Variants in MRM1 observed in about 807,000 individuals in gnomAD.
MRM1 encodes rRNA methyltransferase 1, mitochondrial.
A neutral mutation model predicts 25.0 loss-of-function variants in MRM1; 24 were observed. That is an observed-to-expected ratio of 0.96 (90% CI 0.69 to 1.35). The LOEUF is 1.35. Among genes scored for constraint, MRM1 ranks in the 40% most tolerant of loss-of-function variants. The pLI is 0.00. For synonymous variants in MRM1, 188 were observed against 199.2 expected, an observed-to-expected ratio of 0.94 and a Z score of 0.47; for missense variants, 431 against 464.1, an observed-to-expected ratio of 0.93 and a Z score of 0.65.
chr17:36,612,288 C>T (rs1410123433), downstream of MRM1, among the ~76,000 whole-genome samples: 2 of 152,166 alleles, frequency 1.3e-5, no homozygotes, highest in Non-Finnish European at 2.9e-5. Flanking sequence ...GCTGGCTGGC[C>T]TCTGGGAAGA....
intron 2 of MRM1, among the ~76,000 whole-genome samples, chr17:36,606,940 G>A (rs1244294288): frequency 7.1e-6 from 1 of 139,866 alleles, no homozygotes; most frequent in East Asian, 2.2e-4. Context: ...TTGAGATGGA[G>A]TTTCACTCTT....
At chr17:36,603,050 A>T in intron 2 of MRM1, 1 of 985,404 alleles carries the variant, frequency 1.0e-6, no homozygotes, top group Non-Finnish European at 1.2e-6. Flanking sequence ...TGCCATTAGT[A>T]TCTAGCAAGA....
rs201086352 is a variant in MRM1 at position 36,602,103 on chromosome 17, C to A, written c.293C>A (p.Pro98Gln). ...CGGATGGCCGAGGCGCGGGACATTC[C>A]AGTTCTGCGGCCCAGACGGCAGAAA... is the stretch of plus-strand genomic sequence containing the variant. ...LLRMAEARDI[P>Q]VLRPRRQKLD... Residue 98 changes from proline to glutamine, a missense_variant, in exon 1 of 5, where the codon CCA (proline) becomes CAA (glutamine). Coordinates refer to ENST00000614766, the MANE Select transcript of MRM1 (RefSeq NM_024864.5). This position sits in a 1 kb window ranked among gnomAD's most constrained non-coding sequence, Gnocchi z 4.1. 1.2e-6 allele frequency: 2 copies of A among 1,611,716 alleles called. No homozygotes were observed. Among genetic ancestry groups the A allele is most frequent in the Non-Finnish European group, 1.7e-6 (2 of 1,179,806 alleles).
the MRM1 span, among the ~76,000 whole-genome samples, chr17:36,630,459 A>T: frequency 6.6e-6 from 1 of 152,144 alleles, no homozygotes; most frequent in Non-Finnish European, 1.5e-5. Context: ...TCTAGAGAGA[A>T]AGAAAGGAAA....
At chr17:36,631,950 C>A in the MRM1 span, among the ~76,000 whole-genome samples, 1 of 152,304 alleles carries the variant, frequency 6.6e-6, no homozygotes, top group South Asian at 2.1e-4. Flanking sequence ...CAACTGACCC[C>A]TTTCCTGTTA....
At chr17:36,632,385 TG>T in the MRM1 span, among the ~76,000 whole-genome samples, 8 of 152,048 alleles carry the variant, frequency 5.3e-5, no homozygotes, top group Non-Finnish European at 1.2e-4. Context: ...TAGGAAGCAG[TG>T]TGGTGGAGTG....
chr17:36,615,615 C>T, the MRM1 span, among the ~76,000 whole-genome samples: 7 of 150,750 alleles, frequency 4.6e-5, no homozygotes, highest in South Asian at 2.1e-4. Flanking sequence ...GCTGAGATCG[C>T]GCTATTGCAC....
chr17:36,627,494 C>T, the MRM1 span, among the ~76,000 whole-genome samples: 3 of 152,276 alleles, frequency 2.0e-5, no homozygotes, highest in Non-Finnish European at 2.9e-5. Context: ...ACCTGGTTAC[C>T]CCTGGCCTGT....
At chr17:36,623,296 A>G in the MRM1 span, among the ~76,000 whole-genome samples, 1 of 152,228 alleles carries the variant, frequency 6.6e-6, no homozygotes, top group Non-Finnish European at 1.5e-5. Flanking sequence ...ATCTATATTT[A>G]ATGCTGAATT....
intron 2 of MRM1, among the ~76,000 whole-genome samples, chr17:36,606,908 G>T (rs1199041081): frequency 4.2e-5 from 6 of 141,388 alleles, no homozygotes; most frequent in South Asian, 2.3e-4. Context: ...ACTGCGCCTG[G>T]TTTTTTGTTT....
chr17:36,604,058 C>A (rs1177432708), intron 2 of MRM1, among the ~76,000 whole-genome samples: 1 of 152,254 alleles, frequency 6.6e-6, no homozygotes, highest in African/African-American at 2.4e-5. Context: ...TGTGGAAGAG[C>A]TGGAGGTGCC....
the MRM1 span, among the ~76,000 whole-genome samples, chr17:36,624,262 A>AGGTGAT: frequency 1.4e-3 from 215 of 152,058 alleles, 2 homozygotes; most frequent in Middle Eastern, 0.02. This position sits in a 1 kb window ranked among gnomAD's most constrained non-coding sequence, Gnocchi z 4.0. Context: ...GACGGGGGAG[A>AGGTGAT]GGTGATCACC....
At chr17:36,621,062 G>A in the MRM1 span, among the ~76,000 whole-genome samples, 1 of 152,310 alleles carries the variant, frequency 6.6e-6, no homozygotes, top group South Asian at 2.1e-4. Context: ...GCAAGGGGTT[G>A]TCACCTCTCT....
chr17:36,629,805 C>T, the MRM1 span, among the ~76,000 whole-genome samples: 2 of 152,172 alleles, frequency 1.3e-5, no homozygotes, highest in Non-Finnish European at 2.9e-5. Flanking sequence ...GGAAGGTTGT[C>T]CTCTCATTGA....
At position 36,602,863 on chromosome 17, in the gene MRM1, C is replaced by A; in HGVS notation, c.636+217C>A. Reference sequence around the variant, plus strand: ...CTAGCGTTATACCCTTTCCTGCACCCCTTCCCCAGGTATGCACCACTTTGC... The same window carrying A: ...CTAGCGTTATACCCTTTCCTGCACCACTTCCCCAGGTATGCACCACTTTGC... On this transcript the variant is annotated intron_variant, in intron 2 of 4. Transcript: ENST00000614766. The surrounding 1 kb of genome is among the most constrained non-coding windows in gnomAD (Gnocchi z 4.1). 1.1e-6 allele frequency: 1 copy of A among 892,564 alleles called. No individual in the cohort carries two copies. The highest frequency in any genetic ancestry group is 1.3e-6 in the Non-Finnish European group (1 of 745,300). The allele number at this position is 892,564 out of a possible 1,614,324, so 55.3% of individuals were successfully genotyped here. A position where few individuals can be genotyped will look rare whatever the true frequency, so the allele number is the denominator to read the frequency against.
At chr17:36,621,825 T>G in the MRM1 span, among the ~76,000 whole-genome samples, 1 of 152,100 alleles carries the variant, frequency 6.6e-6, no homozygotes. Context: ...TGTCACTGAT[T>G]TCTGGGGAGG....
Position 36,602,589 on chromosome 17 carries a change from G to A in MRM1, c.579G>A (p.Ala193=). Residue 193 remains alanine, a synonymous_variant, in exon 2 of 5, where the codon GCG becomes GCA. Coordinates refer to ENST00000614766, the MANE Select transcript of MRM1 (RefSeq NM_024864.5). This position sits in a 1 kb window ranked among gnomAD's most constrained non-coding sequence, Gnocchi z 4.1. ...CTCCAGTAGTCAGCAAGTCCAGCGC[G>A]GGGGCTATGGAGGTGATGGACGTGT... The part of the protein sequence containing the change: ...PLTPVVSKSS[A]GAMEVMDVFS... 6.2e-7 allele frequency: 1 copy of A among 1,614,176 alleles called. No individual in the cohort carries two copies. Among genetic ancestry groups the A allele is most frequent in the Non-Finnish European group, 8.5e-7 (1 of 1,180,032 alleles).
At chr17:36,625,462 C>CA in the MRM1 span, among the ~76,000 whole-genome samples, 1 of 102,006 alleles carries the variant, frequency 9.8e-6, no homozygotes, top group Non-Finnish European at 1.8e-5. Flanking sequence ...CCTCCTCCTC[C>CA]TTTTTTTTTT....
chr17:36,607,454 C>CAA (rs35964238), intron 2 of MRM1, among the ~76,000 whole-genome samples: 4,086 of 146,650 alleles, frequency 0.028, 77 homozygotes, highest in South Asian at 0.066. Flanking sequence ...AACCTCATCT[C>CAA]AAAAAAAAAA....
Sources: allele counts gnomAD v4.1 joint callset (sites outside exome capture counted in the v4.1 genomes callset), GRCh38; gene constraint gnomAD v4.1.1; non-coding constraint Gnocchi (gnomAD v3.1); transcripts MANE v1.5; gene names NCBI Gene and HGNC (gene_info 2026-07-23, HGNC 2026-07-21).